The following CACNA1B variants were observed in gnomAD, a reference collection of about 807,000 sequenced individuals.
The protein encoded by CACNA1B is voltage-dependent N-type calcium channel subunit alpha-1B.
In CACNA1B, 70 loss-of-function variants were observed where a neutral mutation model predicts 247.2. The ratio of observed to expected loss-of-function variants is 0.28; its 90% confidence interval spans 0.23 to 0.35. CACNA1B has a LOEUF of 0.35. Ranked by LOEUF, CACNA1B falls within the 10% of genes least tolerant of loss-of-function variation. CACNA1B has a pLI of 1.00. For missense variants in CACNA1B, 2,367 were observed against 3,197.4 expected (o/e 0.74, Z 6.26); for synonymous variants, 1,231 against 1,294.4 (o/e 0.95, Z 1.05).
At chr9:138,060,372 A>G (rs1026314611) in intron 31 of CACNA1B, among the ~76,000 whole-genome samples, 1 of 152,168 alleles carries the variant, frequency 6.6e-6, no homozygotes, top group Non-Finnish European at 1.5e-5. Flanking sequence ...TGTGAAATTT[A>G]TTTCTTAAGT....
intron 5 of CACNA1B, among the ~76,000 whole-genome samples, chr9:137,916,717 C>T (rs911772275): frequency 2.6e-5 from 4 of 151,672 alleles, no homozygotes; most frequent in Non-Finnish European, 2.9e-5. Flanking sequence ...GGGAGAGGTA[C>T]AGTCAGCGTG....
At position 137,955,067 on chromosome 9, in the gene CACNA1B, G is replaced by A. The variant is rs115391628; in HGVS notation, c.1071-631G>A. ...TCAGGCGGGGCTGGGGTGAGATGTC[G>A]GGGGCCAATGACAGAAGGTCTCCTC... On this transcript the variant is annotated intron_variant, in intron 7 of 46. Transcript: ENST00000371372. This position sits in a 1 kb window ranked among gnomAD's most constrained non-coding sequence, Gnocchi z 6.9. Among the ~76,000 whole-genome samples, 450 of 152,104 alleles carry A rather than the reference G, an allele frequency of 3.0e-3. 3 individuals carry two copies. Among genetic ancestry groups the A allele is most frequent in the African/African-American group, 0.01 (420 of 41,496 alleles).
intron 42 of CACNA1B, 98 bp from the exon 43 acceptor site, chr9:138,117,848 A>C: frequency 1.1e-6 from 1 of 918,346 alleles, no homozygotes. Context: ...CCTCTGCTGC[A>C]TGTGTTGGAG....
intron 20 of CACNA1B, among the ~76,000 whole-genome samples, chr9:138,038,695 T>G (rs1465431290): frequency 8.5e-5 from 13 of 152,354 alleles, no homozygotes; most frequent in African/African-American, 2.6e-4. Context: ...AAGTGCACCC[T>G]TGCTCGGCTT....
intron 37 of CACNA1B, among the ~76,000 whole-genome samples, chr9:138,099,711 CAT>C (rs1387332808): frequency 4.0e-5 from 6 of 151,252 alleles, no homozygotes; most frequent in Admixed American, 2.0e-4. Flanking sequence ...TGGGTGTGCA[CAT>C]GTCTGTGGTG....
At chr9:138,046,035 C>A (rs1959182978) in intron 21 of CACNA1B, among the ~76,000 whole-genome samples, 1 of 152,212 alleles carries the variant, frequency 6.6e-6, no homozygotes, top group African/African-American at 2.4e-5. Flanking sequence ...GCTGCCTCTT[C>A]TGGTCCCCCA....
chr9:138,021,599 A>G (rs771113091), intron 18 of CACNA1B, among the ~76,000 whole-genome samples: 3 of 152,168 alleles, frequency 2.0e-5, no homozygotes, highest in Non-Finnish European at 4.4e-5. Context: ...CTGTGTTGTT[A>G]GTGCAGTTGG....
At chr9:137,937,379 C>T (rs1957680318) in intron 6 of CACNA1B, among the ~76,000 whole-genome samples, 1 of 151,974 alleles carries the variant, frequency 6.6e-6, no homozygotes, top group South Asian at 2.1e-4. Context: ...CCCAATCTAA[C>T]AAAGGCAAAG....
intron 10 of CACNA1B, among the ~76,000 whole-genome samples, chr9:137,961,912 G>A (rs1310254325): frequency 2.6e-5 from 4 of 152,114 alleles, no homozygotes; most frequent in Non-Finnish European, 5.9e-5. Flanking sequence ...TTAGGGAGGA[G>A]TCCTTCCTTT....
At chr9:137,983,483 G>A (rs1958317586) in intron 12 of CACNA1B, among the ~76,000 whole-genome samples, 1 of 152,148 alleles carries the variant, frequency 6.6e-6, no homozygotes, top group African/African-American at 2.4e-5. Context: ...CTGAGGAATG[G>A]CTGGAAGGAG....
chr9:137,892,498 C>G (rs2133244589), intron 3 of CACNA1B: 1 of 383,874 alleles, frequency 2.6e-6, no homozygotes, highest in Non-Finnish European at 5.2e-6. Flanking sequence ...AGTTCTCCCC[C>G]TTTCCTCTGA....
In CACNA1B at chr9:137,993,797, G is replaced by A. The variant is rs192365327; in HGVS notation, c.1974+6943G>A. On this transcript the variant is annotated intron_variant, in intron 15 of 46. Transcript: ENST00000371372. ...AAGAAGAATTGGTACCAATCCTATCGACACTATTCCACAAGGTAGAGAAAG... is the reference window on the plus strand; with the variant it reads ...AAGAAGAATTGGTACCAATCCTATCAACACTATTCCACAAGGTAGAGAAAG... Among the ~76,000 whole-genome samples, 35 of 152,192 alleles carry A rather than the reference G, an allele frequency of 2.3e-4. No individual in the cohort carries two copies. The East Asian group carries it at 3.5e-3, about 15-fold the overall frequency.
In CACNA1B at chr9:138,118,013, C is replaced by T. The variant is rs764852367; in HGVS notation, c.5845C>T (p.His1949Tyr). The T allele has an allele frequency of 3.1e-6, 5 of 1,601,686 alleles. No individual in the cohort carries two copies. The highest frequency in any genetic ancestry group is 2.3e-5 in the South Asian group (2 of 88,614). The part of the protein sequence containing the change: ...WGTQRTQDAP[H>Y]EARPPLERGH... ...CACTCAAAGGACCCAGGATGCACCCCATGAGGCCAGGCCACCCCTGGAGCG... is the reference window on the plus strand; with the variant it reads ...CACTCAAAGGACCCAGGATGCACCCTATGAGGCCAGGCCACCCCTGGAGCG... Residue 1949 changes from histidine (H) to tyrosine (Y), a missense_variant, in exon 43 of 47, where the codon CAT becomes TAT. By Grantham distance (83) the His-to-Tyr change is moderately conservative. Around this residue, in one of 12 missense-constraint regions of CACNA1B, gnomAD observed 773 missense variants for 779.4 expected, o/e 0.99. Coordinates refer to ENST00000371372, the MANE Select transcript of CACNA1B (RefSeq NM_000718.4).
intron 39 of CACNA1B, among the ~76,000 whole-genome samples, chr9:138,109,408 T>A (rs776965951): frequency 1.1e-4 from 16 of 152,214 alleles, no homozygotes; most frequent in Non-Finnish European, 2.2e-4. Context: ...GTCCAAGAGT[T>A]TGTGTTTGTG....
At chr9:137,931,244 C>A (rs372495536) in intron 6 of CACNA1B, among the ~76,000 whole-genome samples, 1 of 151,326 alleles carries the variant, frequency 6.6e-6, no homozygotes, top group African/African-American at 2.5e-5. Context: ...CTCGCGTAAA[C>A]GGCTCAAGAG....
Position 137,973,810 on chromosome 9 carries a change from A to C in CACNA1B, c.1544-2097A>C, listed in dbSNP as rs1325445691. ...TGTGAGGCTGAGGGCCTCTGTTCCT[A>C]GGGAGAGTGAGAGGGCAGACAGGAT... On this transcript the variant is annotated intron_variant, in intron 11 of 46. Transcript: ENST00000371372. The surrounding 1 kb of genome is among the most constrained non-coding windows in gnomAD (Gnocchi z 4.1). Among the ~76,000 whole-genome samples the C allele has an allele frequency of 5.3e-5, 8 of 152,190 alleles. No homozygotes were observed. Among genetic ancestry groups the C allele is most frequent in the Non-Finnish European group, 1.5e-5 (1 of 68,034 alleles).
chr9:138,080,175 G>C (rs1012711491), intron 36 of CACNA1B, among the ~76,000 whole-genome samples: 1 of 152,188 alleles, frequency 6.6e-6, no homozygotes, highest in Non-Finnish European at 1.5e-5. Context: ...ATCCAGATTC[G>C]GGATTTCCCA....
intron 6 of CACNA1B, among the ~76,000 whole-genome samples, chr9:137,926,553 G>T (rs1957553499): frequency 6.6e-6 from 1 of 152,204 alleles, no homozygotes; most frequent in Non-Finnish European, 1.5e-5. Flanking sequence ...ATACCCAGAA[G>T]TGGAATTGAG....
chr9:137,982,214 C>G (rs1958302670), intron 12 of CACNA1B, among the ~76,000 whole-genome samples: 1 of 152,174 alleles, frequency 6.6e-6, no homozygotes, highest in African/African-American at 2.4e-5. Context: ...TTCTCAGGCT[C>G]ATTTGGGGCT....
Sources: allele counts gnomAD v4.1 joint callset (sites outside exome capture counted in the v4.1 genomes callset), GRCh38; gene constraint gnomAD v4.1.1; regional missense constraint gnomAD v4.1.1; non-coding constraint Gnocchi (gnomAD v3.1); transcripts MANE v1.5; gene names NCBI Gene and HGNC (gene_info 2026-07-23, HGNC 2026-07-21).